MEIS1: variants seen among roughly 807,000 people sequenced by gnomAD.
MEIS1 encodes the protein homeobox protein Meis1.
MEIS1 carries 5 observed loss-of-function variants against 50.8 expected under a neutral mutation model. The observed-to-expected ratio is 0.10, with a 90% CI of 0.05 to 0.21. The LOEUF is 0.21. Among genes scored for constraint, MEIS1 ranks in the 10% least tolerant of loss-of-function variants. The probability of loss-of-function intolerance (pLI) is 1.00; values close to 1 mark genes in which losing one functional copy is unlikely to be tolerated. For synonymous variants in MEIS1, 176 were observed against 179.3 expected, an observed-to-expected ratio of 0.98 and a Z score of 0.15; for missense variants, 318 against 517.3, an observed-to-expected ratio of 0.61 and a Z score of 3.74.
intron 7 of MEIS1, among the ~76,000 whole-genome samples, chr2:66,490,864 C>G (rs1247022768): frequency 2.0e-5 from 3 of 152,176 alleles, no homozygotes; most frequent in Non-Finnish European, 4.4e-5. Flanking sequence ...CATATCGGGA[C>G]TTTGCACATG....
At chr2:66,508,908 T>C (rs1158912012) in intron 7 of MEIS1, 1 of 428,650 alleles carries the variant, frequency 2.3e-6, no homozygotes, top group African/African-American at 2.1e-5. Context: ...CCTTTTCAGT[T>C]TGCCTTCATT....
chr2:66,491,597 G>A (rs1673274673), intron 7 of MEIS1, among the ~76,000 whole-genome samples: 1 of 152,090 alleles, frequency 6.6e-6, no homozygotes, highest in Non-Finnish European at 1.5e-5. Flanking sequence ...TCCTCTGTTT[G>A]TACAGGCCCT....
Position 66,435,824 on chromosome 2 carries a change from G to A in MEIS1, c.-33G>A. 1 of 1,534,116 alleles carries A rather than the reference G, an allele frequency of 6.5e-7. No individual in the cohort carries two copies. The highest frequency in any genetic ancestry group is 8.8e-7 in the Non-Finnish European group (1 of 1,142,012). ...CACTGGCCTTAAAGAGGATATATTA[G>A]AAGTTGAAGTAGGAAGGGAGCCAGA... On this transcript the variant is annotated 5_prime_UTR_variant, in exon 1 of 13. Coordinates refer to ENST00000272369, the MANE Select transcript of MEIS1 (RefSeq NM_002398.3).
chr2:66,469,739 G>T (rs1052473515), intron 7 of MEIS1, among the ~76,000 whole-genome samples: 2 of 152,026 alleles, frequency 1.3e-5, no homozygotes, highest in South Asian at 4.2e-4. Flanking sequence ...ATTATGGCTC[G>T]GCTTAAGTGT....
chr2:66,446,587 C>A (rs931314546), intron 6 of MEIS1, among the ~76,000 whole-genome samples: 5 of 152,100 alleles, frequency 3.3e-5, no homozygotes, highest in African/African-American at 9.7e-5. Context: ...AGCAGCTCTC[C>A]GGGGGGTCCT....
At chr2:66,440,428 G>T (rs1049633421) in intron 3 of MEIS1, 134 bp from the exon 4 acceptor site, 2 of 750,126 alleles carry the variant, frequency 2.7e-6, no homozygotes, top group East Asian at 5.4e-5. Context: ...GGTGTCACCG[G>T]GTCCCTCCCG....
chr2:66,565,732 A>G (rs1282439614), intron 9 of MEIS1, among the ~76,000 whole-genome samples: 2 of 152,202 alleles, frequency 1.3e-5, no homozygotes, highest in Admixed American at 1.3e-4. Context: ...AAGAAAGTTA[A>G]TAGACAGAAT....
intron 7 of MEIS1, among the ~76,000 whole-genome samples, chr2:66,488,069 G>T (rs1673184176): frequency 6.6e-6 from 1 of 152,174 alleles, no homozygotes; most frequent in African/African-American, 2.4e-5. Flanking sequence ...TGGCTGAAAA[G>T]TTCCAAATGC....
rs1553382830 is a variant in MEIS1 at position 66,566,822 on chromosome 2, A to AC, written c.966-631_966-630insC. On this transcript the variant is annotated intron_variant, in intron 9 of 12. Coordinates refer to ENST00000272369, the MANE Select transcript of MEIS1 (RefSeq NM_002398.3). ...TTTACATAAAGAGCAAAAAAAAAAA[A>AC]AACAACAACAACAAAAAAAGCCACC... Among the ~76,000 whole-genome samples, 159 of 150,692 alleles carry AC rather than the reference A, an allele frequency of 1.1e-3. 1 individual carries two copies. Among genetic ancestry groups the AC allele is most frequent in the East Asian group, 2.5e-3 (13 of 5,154 alleles).
Position 66,522,559 on chromosome 2 carries a change from G to A in MEIS1, c.888+10265G>A, listed in dbSNP as rs1674150793. Among the ~76,000 whole-genome samples the A allele has an allele frequency of 2.0e-5, 3 of 152,214 alleles. No homozygotes were observed. In the South Asian group the frequency reaches 6.2e-4, roughly 31 times the overall value. ...TTTTGACTTCTTTCACACAACTGGT[G>A]TTTTCGTGTTTAATTGAACAAGGAA... On this transcript the variant is annotated intron_variant, in intron 8 of 12. Transcript: ENST00000272369.
intron 7 of MEIS1, among the ~76,000 whole-genome samples, chr2:66,467,423 C>A (rs1392344613): frequency 6.6e-6 from 1 of 151,986 alleles, no homozygotes; most frequent in African/African-American, 2.4e-5. Context: ...ATGGTGAAAT[C>A]CCATCTCTAC....
chr2:66,440,067 G>GAACACA, intron 3 of MEIS1, 83 bp downstream of exon 3: 2 of 1,012,644 alleles, frequency 2.0e-6, no homozygotes, highest in Non-Finnish European at 2.7e-6. Flanking sequence ...GCGCGCGCGC[G>GAACACA]AACACACACA....
At chr2:66,523,166 A>G (rs1674167907) in intron 8 of MEIS1, among the ~76,000 whole-genome samples, 1 of 152,212 alleles carries the variant, frequency 6.6e-6, no homozygotes, top group Non-Finnish European at 1.5e-5. Flanking sequence ...TGAGGCAGTA[A>G]TGGACAGTTG....
intron 6 of MEIS1, among the ~76,000 whole-genome samples, chr2:66,463,124 G>T (rs1009252536): frequency 6.6e-6 from 1 of 151,788 alleles, no homozygotes; most frequent in African/African-American, 2.4e-5. Flanking sequence ...GATATTGGAA[G>T]GGTCAGCAAA....
chr2:66,486,977 G>A (rs971149387), intron 7 of MEIS1, among the ~76,000 whole-genome samples: 2 of 152,182 alleles, frequency 1.3e-5, no homozygotes, highest in Admixed American at 6.5e-5. Context: ...TTGCTTATCA[G>A]CTTAAGGAGT....
intron 9 of MEIS1, among the ~76,000 whole-genome samples, chr2:66,560,022 C>T (rs1276687685): frequency 1.3e-5 from 2 of 151,368 alleles, no homozygotes; most frequent in African/African-American, 2.4e-5. Context: ...ATCTTATACT[C>T]CAGGCTCAAA....
At chr2:66,533,232 C>T (rs565524415) in intron 8 of MEIS1, among the ~76,000 whole-genome samples, 1 of 152,176 alleles carries the variant, frequency 6.6e-6, no homozygotes, top group Non-Finnish European at 1.5e-5. Flanking sequence ...CTTCTGACTT[C>T]CAACCACCAA....
intron 8 of MEIS1, among the ~76,000 whole-genome samples, chr2:66,526,046 C>T (rs113240508): frequency 7.2e-5 from 11 of 152,326 alleles, no homozygotes; most frequent in African/African-American, 2.4e-4. Flanking sequence ...TTTGTATTCC[C>T]ACTGCCTTGT....
At chr2:66,457,211 C>T (rs1672412885) in intron 6 of MEIS1, among the ~76,000 whole-genome samples, 1 of 148,368 alleles carries the variant, frequency 6.7e-6, no homozygotes, top group South Asian at 2.1e-4. Context: ...TCCAGAATTA[C>T]CTGAATTTGA....
Sources: allele counts gnomAD v4.1 joint callset (sites outside exome capture counted in the v4.1 genomes callset), GRCh38; gene constraint gnomAD v4.1.1; transcripts MANE v1.5; gene names NCBI Gene and HGNC (gene_info 2026-07-23, HGNC 2026-07-21).